SNTG2: variants seen among roughly 807,000 people sequenced by gnomAD.
SNTG2 encodes gamma-2-syntrophin.
A neutral mutation model predicts 70.9 loss-of-function variants in SNTG2; 74 were observed. That is an observed-to-expected ratio of 1.04 (90% CI 0.86 to 1.27). The LOEUF (loss-of-function observed/expected upper bound fraction) is 1.27, where lower values mean the gene tolerates loss of function less well. SNTG2 is among the 50% of genes most tolerant of loss of function. The probability of loss-of-function intolerance (pLI) is 0.00; values close to 1 mark genes in which losing one functional copy is unlikely to be tolerated. For synonymous variants in SNTG2, 278 were observed against 273.8 expected (o/e 1.02, Z -0.15); for missense variants, 717 against 690.7 (o/e 1.04, Z -0.43).
intron 1 of SNTG2, chr2:1,059,418 G>C (rs1468201987): frequency 6.6e-6 from 1 of 152,078 alleles, no homozygotes; most frequent in Non-Finnish European, 1.5e-5. Context: ...TTTGGAAGAT[G>C]ATGAAGCTTC....
At chr2:1,339,987 G>T (rs968058897) in intron 16 of SNTG2, among the ~76,000 whole-genome samples, 1 of 152,236 alleles carries the variant, frequency 6.6e-6, no homozygotes, top group Non-Finnish European at 1.5e-5. Flanking sequence ...AAGCTGGGAT[G>T]CAGCACAGGC....
rs1442120959 is a variant in SNTG2, at chr2:1,221,493, C to G, written c.719+12263C>G. ...TCTCTGTCTCTCTCTCTCTCTGTCT[C>G]TCTCTGTCTCTCTCTCTCTCTCTGT... is the stretch of plus-strand genomic sequence containing the variant. On this transcript the variant is annotated intron_variant, in intron 9 of 16. Coordinates refer to ENST00000308624, the MANE Select transcript of SNTG2 (RefSeq NM_018968.4). Among the ~76,000 whole-genome samples, 47 of 16,818 alleles carry G rather than the reference C, an allele frequency of 2.8e-3. 9 individuals carry two copies. The highest frequency in any genetic ancestry group is 5.3e-3 in the Non-Finnish European group (37 of 7,042). 11.0% of individuals were successfully genotyped at this position (16,818 alleles called of 152,430 possible).
intron 15 of SNTG2, among the ~76,000 whole-genome samples, chr2:1,309,970 A>C (rs953023079): frequency 1.3e-5 from 2 of 152,326 alleles, no homozygotes; most frequent in East Asian, 1.9e-4. Flanking sequence ...AGTTCTTCAT[A>C]ACCTTACTGT....
intron 16 of SNTG2, among the ~76,000 whole-genome samples, chr2:1,336,511 A>C (rs943421174): frequency 6.6e-6 from 1 of 152,200 alleles, no homozygotes; most frequent in Non-Finnish European, 1.5e-5. Context: ...TGCCTTTGGA[A>C]TCATATCCAA....
At chr2:1,072,345 TTTTC>T (rs1448692125) in intron 1 of SNTG2, among the ~76,000 whole-genome samples, 70 of 132,828 alleles carry the variant, frequency 5.3e-4, no homozygotes, top group African/African-American at 1.7e-3. Context: ...TTCTTTTTCT[TTTTC>T]TTTTTTTTTT....
intron 8 of SNTG2, among the ~76,000 whole-genome samples, chr2:1,208,033 G>A (rs1673756575): frequency 6.6e-6 from 1 of 152,190 alleles, no homozygotes; most frequent in Admixed American, 6.5e-5. Flanking sequence ...GCCCAGGTCT[G>A]TTTTCTCACG....
chr2:1,162,500 C>T (rs1028575888), intron 6 of SNTG2, among the ~76,000 whole-genome samples: 1 of 152,234 alleles, frequency 6.6e-6, no homozygotes, highest in Middle Eastern at 3.4e-3. Context: ...CACTGAGCTC[C>T]CGGGACAACT....
At chr2:1,293,481 A>G (rs968555008) in intron 14 of SNTG2, among the ~76,000 whole-genome samples, 2 of 151,880 alleles carry the variant, frequency 1.3e-5, no homozygotes, top group African/African-American at 4.8e-5. Context: ...TTTTTTTAAT[A>G]TAAGCATTTT....
At chr2:1,235,204 G>C (rs1218916504) in intron 9 of SNTG2, among the ~76,000 whole-genome samples, 2 of 145,306 alleles carry the variant, frequency 1.4e-5, no homozygotes, top group Non-Finnish European at 3.0e-5. Context: ...GGTCCCTACA[G>C]GCCCCACCAG....
chr2:1,215,678 A>G (rs1018947437), intron 9 of SNTG2, among the ~76,000 whole-genome samples: 11 of 151,226 alleles, frequency 7.3e-5, no homozygotes, highest in Admixed American at 6.6e-4. Flanking sequence ...TACATTATGC[A>G]TATCTCCTAA....
At chr2:990,512 A>G (rs947753839) in intron 1 of SNTG2, among the ~76,000 whole-genome samples, 14 of 152,136 alleles carry the variant, frequency 9.2e-5, no homozygotes, top group African/African-American at 3.4e-4. Context: ...CTCCTATTAC[A>G]GGGGCACAGA....
chr2:1,281,219 G>A (rs1420160381), intron 14 of SNTG2, among the ~76,000 whole-genome samples: 2 of 137,776 alleles, frequency 1.5e-5, no homozygotes, highest in African/African-American at 2.7e-5. Context: ...GTGTGTGTGT[G>A]TTTGTGTTTA....
At chr2:1,064,590 G>T (rs1663033649) in intron 1 of SNTG2, among the ~76,000 whole-genome samples, 1 of 152,088 alleles carries the variant, frequency 6.6e-6, no homozygotes, top group Non-Finnish European at 1.5e-5. Flanking sequence ...CATCGTTCAT[G>T]AAGTGATACT....
At chr2:1,106,097 G>A in intron 4 of SNTG2, among the ~76,000 whole-genome samples, 1 of 138,780 alleles carries the variant, frequency 7.2e-6, no homozygotes, top group Non-Finnish European at 1.5e-5. Context: ...TCGGGTGCAG[G>A]GTATGGAGAG....
intron 1 of SNTG2, among the ~76,000 whole-genome samples, chr2:1,064,447 T>C (rs1349735340): frequency 1.3e-5 from 2 of 150,846 alleles, no homozygotes; most frequent in East Asian, 3.9e-4. Context: ...GTATATATAC[T>C]GAAATATAAT....
intron 1 of SNTG2, among the ~76,000 whole-genome samples, chr2:1,062,025 C>G (rs923975361): frequency 6.6e-6 from 1 of 151,920 alleles, no homozygotes; most frequent in Non-Finnish European, 1.5e-5. Flanking sequence ...CATAAGAGGC[C>G]TTTCACAGAA....
chr2:1,317,642 G>A lies in SNTG2; in HGVS notation c.1488+1267G>A, dbSNP rs1252114697. On this transcript the variant is annotated intron_variant, in intron 16 of 16. Transcript: ENST00000308624. ...TAGCATCAGGTCAGCATTGGAGAAGGTTGGGATTCTGGAGCATTTAGCATC... is the reference window on the plus strand; with the variant it reads ...TAGCATCAGGTCAGCATTGGAGAAGATTGGGATTCTGGAGCATTTAGCATC... Among the ~76,000 whole-genome samples the A allele has an allele frequency of 4.0e-4, 45 of 111,494 alleles. 5 individuals carry two copies. Among genetic ancestry groups the A allele is most frequent in the Non-Finnish European group, 1.9e-4 (10 of 51,646 alleles). The allele number at this position is 111,494 out of a possible 152,430, so 73.1% of individuals were successfully genotyped here.
intron 1 of SNTG2, among the ~76,000 whole-genome samples, chr2:1,065,902 T>G (rs1663117601): frequency 6.6e-6 from 1 of 152,184 alleles, no homozygotes; most frequent in South Asian, 2.1e-4. Flanking sequence ...TGGTTTTTGT[T>G]GCCAAATGAA....
intron 1 of SNTG2, among the ~76,000 whole-genome samples, chr2:1,019,577 A>G (rs531357113): frequency 9.3e-4 from 141 of 152,310 alleles, no homozygotes; most frequent in African/African-American, 3.2e-3. Flanking sequence ...TCTGGAAAGA[A>G]AGGAAATGGA....
Sources: allele counts gnomAD v4.1 joint callset (sites outside exome capture counted in the v4.1 genomes callset), GRCh38; gene constraint gnomAD v4.1.1; transcripts MANE v1.5; gene names NCBI Gene and HGNC (gene_info 2026-07-23, HGNC 2026-07-21).